The following PROS1 variants were observed in gnomAD, a reference collection of about 807,000 sequenced individuals.
PROS1 encodes vitamin K-dependent protein S.
In PROS1, 29 loss-of-function variants were observed where a neutral mutation model predicts 75.9. The ratio of observed to expected loss-of-function variants is 0.38; its 90% confidence interval spans 0.28 to 0.52. The LOEUF (loss-of-function observed/expected upper bound fraction) is 0.52, where lower values mean the gene tolerates loss of function less well. Ranked by LOEUF, PROS1 falls within the 20% of genes least tolerant of loss-of-function variation. PROS1 has a pLI of 0.83. For missense variants in PROS1, 680 were observed against 810.3 expected, an observed-to-expected ratio of 0.84 and a Z score of 1.95; for synonymous variants, 245 against 280.6, an observed-to-expected ratio of 0.87 and a Z score of 1.27.
At chr3:93,955,940 T>C (rs1412630498) in intron 1 of PROS1, among the ~76,000 whole-genome samples, 1 of 152,208 alleles carries the variant, frequency 6.6e-6, no homozygotes, top group Non-Finnish European at 1.5e-5. Flanking sequence ...TGACCATATA[T>C]TGAACACTTG....
At chr3:93,890,180 G>A (rs568108067) in intron 10 of PROS1, among the ~76,000 whole-genome samples, 8 of 152,194 alleles carry the variant, frequency 5.3e-5, no homozygotes, top group Non-Finnish European at 1.2e-4. Context: ...GCTTATTAGG[G>A]TGGGGAAAAA....
At chr3:93,939,144 A>C (rs963898181) in intron 1 of PROS1, among the ~76,000 whole-genome samples, 1 of 152,110 alleles carries the variant, frequency 6.6e-6, no homozygotes, top group African/African-American at 2.4e-5. Flanking sequence ...CCCCAATACA[A>C]ACTCGACAAT....
At chr3:93,904,715 G>A (rs1212529788) in intron 6 of PROS1, among the ~76,000 whole-genome samples, 1 of 151,946 alleles carries the variant, frequency 6.6e-6, no homozygotes, top group African/African-American at 2.4e-5. Context: ...AAGTCCAGGT[G>A]GGAAATTTTA....
chr3:93,954,541 G>A (rs1376146814), intron 1 of PROS1, among the ~76,000 whole-genome samples: 1 of 152,206 alleles, frequency 6.6e-6, no homozygotes, highest in South Asian at 2.1e-4. Flanking sequence ...AGCTGAAACT[G>A]GATCCCTTCC....
At chr3:93,891,177 C>A (rs1234463391) in intron 10 of PROS1, among the ~76,000 whole-genome samples, 1 of 152,036 alleles carries the variant, frequency 6.6e-6, no homozygotes, top group African/African-American at 2.4e-5. Context: ...AAACTTCTTG[C>A]CAGCTCCTCT....
chr3:93,966,233 C>T (rs1576221053), intron 1 of PROS1, among the ~76,000 whole-genome samples: 1 of 152,134 alleles, frequency 6.6e-6, no homozygotes, highest in Non-Finnish European at 1.5e-5. Context: ...ACTTTGCCTA[C>T]AATGAGAAAT....
At chr3:93,904,295 T>G (rs1166364821) in intron 6 of PROS1, among the ~76,000 whole-genome samples, 1 of 152,152 alleles carries the variant, frequency 6.6e-6, no homozygotes, top group African/African-American at 2.4e-5. Context: ...TGTGTCTTTA[T>G]AGCAGCATGA....
At chr3:93,911,914 T>G (rs576831117) in intron 3 of PROS1, among the ~76,000 whole-genome samples, 1 of 152,248 alleles carries the variant, frequency 6.6e-6, no homozygotes, top group African/African-American at 2.4e-5. Flanking sequence ...AAAATGACAC[T>G]GTAGAAGGGT....
chr3:93,928,614 T>C (rs959218333), intron 1 of PROS1: 9 of 434,994 alleles, frequency 2.1e-5, no homozygotes, highest in Non-Finnish European at 3.7e-5. Context: ...ACCTTTGTGA[T>C]CTCTGTGGAG....
In PROS1 at chr3:93,874,159, A is replaced by G. The variant is rs886058925; in HGVS notation, c.*86T>C. ...ACCACAAAATAATCAAAGACTGCAC[A>G]TTGTAAATAAAACCCTTCAGCTGTT... On this transcript the variant is annotated 3_prime_UTR_variant, in exon 15 of 15. Coordinates refer to ENST00000394236, the MANE Select transcript of PROS1 (RefSeq NM_000313.4). The G allele has an allele frequency of 1.2e-5, 18 of 1,481,748 alleles. No homozygotes were observed. The East Asian group carries it at 2.5e-4, about 21-fold the overall frequency. The allele number at this position is 1,481,748 out of a possible 1,614,324, so 91.8% of individuals were successfully genotyped here. A position where few individuals can be genotyped will look rare whatever the true frequency, so the allele number is the denominator to read the frequency against.
At chr3:93,939,699 T>A (rs1390353624) in intron 1 of PROS1, among the ~76,000 whole-genome samples, 1 of 152,046 alleles carries the variant, frequency 6.6e-6, no homozygotes, top group Non-Finnish European at 1.5e-5. Flanking sequence ...TTTCATCAAA[T>A]GTAAAAATCC....
chr3:93,910,723 CATA>C lies in PROS1; in HGVS notation c.260-21_260-19del. The C allele has an allele frequency of 6.3e-7, 1 of 1,590,986 alleles. No homozygotes were observed. The highest frequency in any genetic ancestry group is 1.1e-5 in the South Asian group (1 of 89,244). On this transcript the variant is annotated intron_variant, in intron 3 of 14. Transcript: ENST00000394236. ...AAGACAAACTGAAAATAAAAACAAA[CATA>C]ATCTTCTTAGAGTAGACACACATAC...
At chr3:93,958,276 G>A (rs965918557) in intron 1 of PROS1, among the ~76,000 whole-genome samples, 3 of 151,796 alleles carry the variant, frequency 2.0e-5, no homozygotes, top group African/African-American at 7.3e-5. Flanking sequence ...TTTTTTCATC[G>A]CAAAGGTTGT....
At chr3:93,954,510 G>A (rs1234952170) in intron 1 of PROS1, among the ~76,000 whole-genome samples, 1 of 152,026 alleles carries the variant, frequency 6.6e-6, no homozygotes, top group Non-Finnish European at 1.5e-5. Context: ...TGCCGGGAAA[G>A]CTGGCTAGCC....
At chr3:93,899,560 GT>G in intron 7 of PROS1, among the ~76,000 whole-genome samples, 1 of 152,108 alleles carries the variant, frequency 6.6e-6, no homozygotes, top group Admixed American at 6.6e-5. Context: ...GACATCTAGA[GT>G]TTTCCACGGT....
At chr3:93,883,002 C>A (rs1708294327) in intron 12 of PROS1, among the ~76,000 whole-genome samples, 1 of 152,122 alleles carries the variant, frequency 6.6e-6, no homozygotes, top group South Asian at 2.1e-4. Flanking sequence ...GCAGAAGGAG[C>A]AAGAAAACAT....
At chr3:93,971,550 G>C (rs1196243339) in intron 1 of PROS1, among the ~76,000 whole-genome samples, 1 of 151,394 alleles carries the variant, frequency 6.6e-6, no homozygotes, top group Non-Finnish European at 1.5e-5. Context: ...CAGGCCGCTT[G>C]AACCCTGGAG....
chr3:93,971,048 C>A (rs1709872833), intron 1 of PROS1, among the ~76,000 whole-genome samples: 1 of 151,832 alleles, frequency 6.6e-6, no homozygotes, highest in Non-Finnish European at 1.5e-5. Context: ...ATGGCCTAAA[C>A]AATGAATTAT....
At chr3:93,883,896 G>C (rs1708309438) in intron 12 of PROS1, among the ~76,000 whole-genome samples, 1 of 152,144 alleles carries the variant, frequency 6.6e-6, no homozygotes, top group African/African-American at 2.4e-5. Context: ...GTTGCAGTGA[G>C]CCAAGATTGC....
Sources: allele counts gnomAD v4.1 joint callset (sites outside exome capture counted in the v4.1 genomes callset), GRCh38; gene constraint gnomAD v4.1.1; transcripts MANE v1.5; gene names NCBI Gene and HGNC (gene_info 2026-07-23, HGNC 2026-07-21).